SNX27: variants seen among roughly 807,000 people sequenced by gnomAD.
SNX27 encodes the protein sorting nexin 27.
In SNX27, 22 loss-of-function variants were observed where a neutral mutation model predicts 71.6. That is an observed-to-expected ratio of 0.31 (90% CI 0.22 to 0.44). SNX27 has a LOEUF of 0.44. Among genes scored for constraint, SNX27 ranks in the 20% least tolerant of loss-of-function variants. The pLI is 1.00. For synonymous variants in SNX27, 269 were observed against 277.2 expected, an observed-to-expected ratio of 0.97 and a Z score of 0.29; for missense variants, 531 against 698.6, an observed-to-expected ratio of 0.76 and a Z score of 2.70.
intron 1 of SNX27, chr1:151,615,765 C>G: frequency 1.0e-6 from 1 of 984,264 alleles, no homozygotes; most frequent in Non-Finnish European, 1.2e-6. Flanking sequence ...GTTTTTGTAA[C>G]AATTTTCGTA....
intron 1 of SNX27, among the ~76,000 whole-genome samples, chr1:151,616,520 G>A (rs576773193): frequency 2.5e-4 from 38 of 152,232 alleles, no homozygotes; most frequent in African/African-American, 8.9e-4. Flanking sequence ...ATAAAACTGT[G>A]TATATCAATT....
intron 7 of SNX27, among the ~76,000 whole-genome samples, chr1:151,682,446 C>T (rs553443654): frequency 8.5e-5 from 13 of 152,210 alleles, no homozygotes; most frequent in Non-Finnish European, 1.2e-4. Context: ...CTCAGCCTCC[C>T]GAGTAGCTGG....
intron 7 of SNX27, chr1:151,676,006 T>G (rs58983661): frequency 1.3e-5 from 2 of 149,200 alleles, no homozygotes; most frequent in South Asian, 4.2e-4. Context: ...TTTACTTTTT[T>G]AAAAAAATAG....
intron 7 of SNX27, chr1:151,676,484 T>C (rs995450357): frequency 6.6e-6 from 1 of 151,592 alleles, no homozygotes; most frequent in African/African-American, 2.4e-5. Flanking sequence ...TTTTGTATTT[T>C]TTGTACAGAC....
intron 2 of SNX27, among the ~76,000 whole-genome samples, chr1:151,641,598 G>GATAGAT (rs1419159225): frequency 8.2e-4 from 65 of 79,014 alleles, no homozygotes; most frequent in Non-Finnish European, 1.2e-3. Flanking sequence ...TCCTTTATCA[G>GATAGAT]ATATATATAT....
At chr1:151,651,173 G>T (rs1218057518) in intron 2 of SNX27, among the ~76,000 whole-genome samples, 22 of 151,888 alleles carry the variant, frequency 1.4e-4, no homozygotes, top group Admixed American at 1.3e-3. Context: ...TCCCAGTAGG[G>T]GCGGCTGGGC....
intron 2 of SNX27, among the ~76,000 whole-genome samples, chr1:151,648,901 G>A (rs1343585039): frequency 3.3e-5 from 5 of 151,466 alleles, no homozygotes; most frequent in Admixed American, 6.6e-5. Flanking sequence ...CTTTATATTC[G>A]AAAGATTTTT....
intron 4 of SNX27, chr1:151,661,273 C>T (rs1229432240): frequency 5.8e-6 from 1 of 173,654 alleles, no homozygotes; most frequent in African/African-American, 2.4e-5. Context: ...TTCCCAGTGC[C>T]TTACCACAGC....
chr1:151,684,895 G>T (rs1037590987), intron 8 of SNX27, among the ~76,000 whole-genome samples: 19 of 151,820 alleles, frequency 1.3e-4, no homozygotes, highest in African/African-American at 4.6e-4. Flanking sequence ...TGCAACCTCC[G>T]CCTCCTGGGC....
chr1:151,678,094 GGTC>G (rs1558069878), intron 7 of SNX27: 1 of 151,992 alleles, frequency 6.6e-6, no homozygotes, highest in African/African-American at 2.4e-5. Flanking sequence ...GCAGTGCTGC[GGTC>G]ATAGCTCACC....
At position 151,643,256 on chromosome 1, in the gene SNX27, G is replaced by A. The variant is rs528396001; in HGVS notation, c.543+4137G>A. 3.7e-5 allele frequency among the ~76,000 whole-genome samples: 5 copies of A among 136,906 alleles called. No homozygotes were observed. The Admixed American group carries it at 3.9e-4, about 11-fold the overall frequency. The allele number at this position is 136,906 out of a possible 152,430, so 89.8% of individuals were successfully genotyped here. ...TGGGATTACAGGCATGAGCAACCAC[G>A]CCTGGCCTTTTATTTATTTATTTAT... On this transcript the variant is annotated intron_variant, in intron 2 of 11. Coordinates refer to ENST00000458013, the MANE Select transcript of SNX27 (RefSeq NM_001330723.2).
intron 1 of SNX27, among the ~76,000 whole-genome samples, chr1:151,622,671 G>A (rs1667729698): frequency 6.6e-6 from 1 of 152,180 alleles, no homozygotes; most frequent in Non-Finnish European, 1.5e-5. Context: ...TTGGTGTTGG[G>A]AAATAATTTA....
intron 2 of SNX27, among the ~76,000 whole-genome samples, chr1:151,646,139 C>T (rs1669023908): frequency 6.6e-6 from 1 of 152,110 alleles, no homozygotes; most frequent in African/African-American, 2.4e-5. Flanking sequence ...AAGTCTTTCT[C>T]TCATATAACA....
chr1:151,670,203 T>A (rs1228489949), intron 7 of SNX27, among the ~76,000 whole-genome samples: 1 of 152,196 alleles, frequency 6.6e-6, no homozygotes, highest in East Asian at 1.9e-4. Flanking sequence ...CTTCCATCCA[T>A]GTTGTTGCAA....
intron 8 of SNX27, among the ~76,000 whole-genome samples, chr1:151,690,798 A>T (rs562400699): frequency 1.3e-5 from 2 of 152,112 alleles, no homozygotes; most frequent in Non-Finnish European, 2.9e-5. Context: ...AGATGTTATT[A>T]TTATTTCCCA....
At chr1:151,616,216 A>G (rs2102589149) in intron 1 of SNX27, among the ~76,000 whole-genome samples, 1 of 152,348 alleles carries the variant, frequency 6.6e-6, no homozygotes, top group African/African-American at 2.4e-5. Flanking sequence ...CACTAATTAT[A>G]TAGTATGTGA....
Position 151,668,645 on chromosome 1 carries a change from T to A in SNX27, c.1149+10T>A. ...CTACTTCTTTCATCAGGTAGGTGAATTGATCTTCTTGAAAGGCACAATTTC... is the reference window on the plus strand; with the variant it reads ...CTACTTCTTTCATCAGGTAGGTGAAATGATCTTCTTGAAAGGCACAATTTC... On this transcript the variant is annotated intron_variant, in intron 7 of 11. Coordinates refer to ENST00000458013, the MANE Select transcript of SNX27 (RefSeq NM_001330723.2). 6.2e-7 allele frequency: 1 copy of A among 1,607,142 alleles called. No individual in the cohort carries two copies. The highest frequency in any genetic ancestry group is 8.5e-7 in the Non-Finnish European group (1 of 1,177,456).
chr1:151,621,587 TCAGCTGCTCTGGTGCATGCTCTCC>T (rs1236648664), intron 1 of SNX27, among the ~76,000 whole-genome samples: 1 of 152,094 alleles, frequency 6.6e-6, no homozygotes, highest in Non-Finnish European at 1.5e-5. Context: ...CTGCAGAGAG[TCAGCTGCTCTGGTGCATGCTCTCC>T]CAGCTGCTTT....
intron 7 of SNX27, among the ~76,000 whole-genome samples, chr1:151,682,766 G>GTC (rs1671025008): frequency 6.6e-6 from 1 of 152,200 alleles, no homozygotes; most frequent in South Asian, 2.1e-4. Context: ...CAGGTGCGGT[G>GTC]TCTCATGCCT....
Sources: gnomAD v4.1 joint callset for allele counts (sites outside exome capture counted in the v4.1 genomes callset) on GRCh38, gnomAD v4.1.1 for gene constraint, MANE v1.5 for transcripts, NCBI Gene and HGNC (gene_info 2026-07-23, HGNC 2026-07-21) for gene names.